EDNRB: variants seen among roughly 807,000 people sequenced by gnomAD.
EDNRB encodes the protein endothelin receptor type B, also known as Hirschsprung disease 2.
In EDNRB, 18 loss-of-function variants were observed where a neutral mutation model predicts 46.4. The observed-to-expected ratio is 0.39, with a 90% CI of 0.27 to 0.57. EDNRB has a LOEUF of 0.57. Ranked by LOEUF, EDNRB falls within the 20% of genes least tolerant of loss-of-function variation. The pLI, the probability that EDNRB is intolerant of heterozygous loss-of-function variation, is 0.61. For synonymous variants in EDNRB, 213 were observed against 204.9 expected (o/e 1.04, Z -0.34); for missense variants, 434 against 537.5 (o/e 0.81, Z 1.90).
rs201094294 is a variant in EDNRB, at chr13:77,972,995, CT to C, written c.-52+2351del. Among the ~76,000 whole-genome samples, 625 of 152,182 alleles carry C rather than the reference CT, an allele frequency of 4.1e-3. 17 individuals are homozygous for C. Among genetic ancestry groups the C allele is most frequent in the Admixed American group, 0.037 (570 of 15,276 alleles). ...TGGCTCGAGTTTTTCTTCTTTCCAC[CT>C]TTTGATGAGAACGTGATCTTCAGGC... On this transcript the variant is annotated intron_variant, in intron 1 of 7. Transcript: ENST00000646948.
At chr13:77,937,124 A>G (rs1253517431) in intron 1 of EDNRB, among the ~76,000 whole-genome samples, 1 of 152,178 alleles carries the variant, frequency 6.6e-6, no homozygotes, top group African/African-American at 2.4e-5. Flanking sequence ...TAAAGCGTCT[A>G]AGGGTTGCTG....
At position 77,895,785 on chromosome 13, in the gene EDNRB, A is replaced by G. The variant is rs563342610; in HGVS notation, c.*2415T>C. 1 of 152,060 alleles carries G rather than the reference A, an allele frequency of 6.6e-6. No homozygotes were observed. Among genetic ancestry groups the G allele is most frequent in the South Asian group, 2.1e-4 (1 of 4,832 alleles). 9.4% of individuals were successfully genotyped at this position (152,060 alleles called of 1,614,324 possible). ...ACACTTTTATAAAGTTAGCTACAGC[A>G]TACCCATGTTTTGCTATAAACTGTA... On this transcript the variant is annotated 3_prime_UTR_variant, in exon 7 of 7. Transcript: ENST00000646607.
intron 1 of EDNRB, among the ~76,000 whole-genome samples, chr13:77,951,194 G>C (rs1157580855): frequency 4.6e-5 from 7 of 152,222 alleles, no homozygotes; most frequent in Non-Finnish European, 5.9e-5. Flanking sequence ...GGCAATAGCA[G>C]TAGGGTGGAT....
chr13:77,953,000 A>G (rs965113742), intron 1 of EDNRB, among the ~76,000 whole-genome samples: 2 of 152,216 alleles, frequency 1.3e-5, no homozygotes, highest in Non-Finnish European at 2.9e-5. Flanking sequence ...TACAGTAACC[A>G]AATGCATCTC....
chr13:77,966,201 ATCTT>A (rs1400152865), intron 1 of EDNRB, among the ~76,000 whole-genome samples: 1 of 152,134 alleles, frequency 6.6e-6, no homozygotes, highest in Non-Finnish European at 1.5e-5. Context: ...AGTTAGAATT[ATCTT>A]TCTAAGACTC....
At chr13:77,921,518 T>C (rs1880085362), upstream of EDNRB, among the ~76,000 whole-genome samples, 1 of 152,230 alleles carries the variant, frequency 6.6e-6, no homozygotes, top group Non-Finnish European at 1.5e-5. Flanking sequence ...GGCTAGTTAG[T>C]TGTGGGACCA....
At position 77,918,468 on chromosome 13, in the gene EDNRB, C is replaced by T; in HGVS notation, c.106G>A (p.Ala36Thr). ...GEERGFPPDRATPLLQTAEIM... is the reference protein window; with the variant it reads ...GEERGFPPDRTTPLLQTAEIM... The stretch of plus-strand genomic sequence containing the variant: ...TCTGCGGTTTGCAAAAGCGGAGTGG[C>T]CCTGTCAGGCGGGAAGCCTCTCTCC... Residue 36 changes from alanine to threonine, a missense_variant, in exon 1 of 7, where the codon GCC (alanine) becomes ACC (threonine). Ala to Thr is a moderately conservative substitution (Grantham distance 58). Transcript: ENST00000646607. This position sits in a 1 kb window ranked among gnomAD's most constrained non-coding sequence, Gnocchi z 4.5. The T allele has an allele frequency of 1.9e-6, 3 of 1,562,430 alleles. No homozygotes were observed. The highest frequency in any genetic ancestry group is 2.6e-6 in the Non-Finnish European group (3 of 1,157,970).
At chr13:77,919,303 A>AT (rs1879989147), upstream of EDNRB, 9 of 1,343,122 alleles carry the variant, frequency 6.7e-6, 1 homozygote, top group South Asian at 5.7e-5. Context: ...CTTAATTTTT[A>AT]TTTTTTTAAA....
intron 1 of EDNRB, among the ~76,000 whole-genome samples, chr13:77,940,923 G>C (rs113619784): frequency 9.9e-5 from 15 of 152,238 alleles, no homozygotes; most frequent in African/African-American, 3.6e-4. Flanking sequence ...CAGGATCCTA[G>C]ATGCCATTCT....
intron 1 of EDNRB, among the ~76,000 whole-genome samples, chr13:77,941,317 A>G (rs920487879): frequency 1.3e-5 from 2 of 152,222 alleles, no homozygotes; most frequent in Admixed American, 6.5e-5. Context: ...TTAACTACCA[A>G]TAGGCACTCA....
intron 1 of EDNRB, among the ~76,000 whole-genome samples, chr13:77,948,068 A>G (rs147758485): frequency 1.3e-5 from 2 of 152,316 alleles, no homozygotes; most frequent in East Asian, 3.9e-4. Context: ...AGATTACTTA[A>G]TGGTGCCTTA....
chr13:77,905,049 G>T (rs970502005), intron 1 of EDNRB, among the ~76,000 whole-genome samples: 5 of 151,900 alleles, frequency 3.3e-5, no homozygotes, highest in Non-Finnish European at 5.9e-5. Flanking sequence ...AACTTACACA[G>T]ACATGTAGGA....
chr13:77,903,420 CAGTT>C (rs1325269076), intron 2 of EDNRB, 60 bp from the exon 3 acceptor site: 3 of 1,610,238 alleles, frequency 1.9e-6, no homozygotes, highest in African/African-American at 2.7e-5. Context: ...TTGAATTGCA[CAGTT>C]TATTTTCTAA....
At chr13:77,909,756 C>T (rs189243909) in intron 1 of EDNRB, among the ~76,000 whole-genome samples, 33 of 152,106 alleles carry the variant, frequency 2.2e-4, no homozygotes, top group Non-Finnish European at 5.9e-5. Flanking sequence ...TTTGATCACA[C>T]GGCAGAAATC....
chr13:77,919,532 G>A, upstream of EDNRB: 1 of 1,612,714 alleles, frequency 6.2e-7, no homozygotes, highest in Non-Finnish European at 8.5e-7. Context: ...CGGCTCTGAC[G>A]AAACGCTGCG....
chr13:77,896,198 T>C lies in EDNRB; in HGVS notation c.*2002A>G. ...GCAAGATAATTAGAGAACATGATACTGACATGGAGAAGGAAAAGGTATCAG... is the reference window on the plus strand; with the variant it reads ...GCAAGATAATTAGAGAACATGATACCGACATGGAGAAGGAAAAGGTATCAG... On this transcript the variant is annotated 3_prime_UTR_variant, in exon 7 of 7. Coordinates refer to ENST00000646607, the MANE Select transcript of EDNRB (RefSeq NM_001122659.3). 1 of 212,002 alleles carries C rather than the reference T, an allele frequency of 4.7e-6. No individual in the cohort carries two copies. The highest frequency in any genetic ancestry group is 8.9e-6 in the Non-Finnish European group (1 of 112,036). 13.1% of individuals were successfully genotyped at this position (212,002 alleles called of 1,614,324 possible).
chr13:77,933,158 A>G (rs1040726584), intron 1 of EDNRB, among the ~76,000 whole-genome samples: 2 of 152,220 alleles, frequency 1.3e-5, no homozygotes, highest in African/African-American at 4.8e-5. Flanking sequence ...AACACCTGTG[A>G]ATATCACATA....
At chr13:77,924,619 T>A (rs1466163068), upstream of EDNRB, among the ~76,000 whole-genome samples, 1 of 152,234 alleles carries the variant, frequency 6.6e-6, no homozygotes, top group Non-Finnish European at 1.5e-5. Flanking sequence ...ATCTATATTG[T>A]TATGTAACAG....
upstream of EDNRB, among the ~76,000 whole-genome samples, chr13:77,924,175 C>T (rs1566320783): frequency 1.3e-5 from 2 of 152,200 alleles, no homozygotes; most frequent in Non-Finnish European, 2.9e-5. Flanking sequence ...TCATCTGGGG[C>T]TTGCAAAGCC....
Sources: gnomAD v4.1 joint callset for allele counts (sites outside exome capture counted in the v4.1 genomes callset) on GRCh38, gnomAD v4.1.1 for gene constraint, Gnocchi (gnomAD v3.1) non-coding constraint, MANE v1.5 for transcripts, NCBI Gene and HGNC (gene_info 2026-07-23, HGNC 2026-07-21) for gene names.